TSPEAR: variants seen among roughly 807,000 people sequenced by gnomAD.
The protein encoded by TSPEAR is thrombospondin-type laminin G domain and EAR repeat-containing protein.
Under a neutral mutation model 71.6 loss-of-function variants are expected in TSPEAR, and 69 were observed. That is an observed-to-expected ratio of 0.96 (90% CI 0.79 to 1.18). The LOEUF (loss-of-function observed/expected upper bound fraction) is 1.18, where lower values mean the gene tolerates loss of function less well. Ranked by LOEUF, TSPEAR falls within the 50% of genes most tolerant of loss-of-function variation. The probability of loss-of-function intolerance (pLI) is 0.00; values close to 1 mark genes in which losing one functional copy is unlikely to be tolerated. For missense variants in TSPEAR, 971 were observed against 894.9 expected (o/e 1.09, Z -1.09); for synonymous variants, 402 against 387.2 (o/e 1.04, Z -0.45).
intron 1 of TSPEAR, chr21:44,697,034 A>G: frequency 1.1e-6 from 1 of 900,570 alleles, no homozygotes; most frequent in Non-Finnish European, 1.6e-6. Context: ...ACGCTCACTC[A>G]CTCCCTCCCT....
At chr21:44,677,979 T>C (rs1054720328) in intron 1 of TSPEAR, 13 of 1,111,288 alleles carry the variant, frequency 1.2e-5, no homozygotes, top group Non-Finnish European at 1.6e-5. Context: ...CAGAGCTGCC[T>C]GAAGTAGAGT....
chr21:44,702,182 C>A, intron 1 of TSPEAR: 1 of 1,505,226 alleles, frequency 6.6e-7, no homozygotes, highest in Non-Finnish European at 9.0e-7. Context: ...CCATCCACCC[C>A]ACAGAGCAAA....
intron 2 of TSPEAR, among the ~76,000 whole-genome samples, chr21:44,556,198 A>C (rs1269643157): frequency 6.6e-6 from 1 of 151,972 alleles, no homozygotes; most frequent in Non-Finnish European, 1.5e-5. Flanking sequence ...CAATGTGGTG[A>C]AACCCAGTCT....
chr21:44,523,837 TAGTC>T (rs2052788856), intron 8 of TSPEAR, among the ~76,000 whole-genome samples: 2 of 149,432 alleles, frequency 1.3e-5, no homozygotes, highest in Admixed American at 6.7e-5. Context: ...GGTAATTAGG[TAGTC>T]AGCCAGTCAG....
intron 10 of TSPEAR, chr21:44,508,390 G>A (rs2052257239): frequency 4.1e-6 from 3 of 738,750 alleles, no homozygotes; most frequent in African/African-American, 3.7e-5. Context: ...GAATGAAATA[G>A]GAGTGCATGA....
rs139924999 is a variant in TSPEAR at position 44,534,544 on chromosome 21, G to A, written c.304-621C>T. The stretch of plus-strand genomic sequence containing the variant: ...CCAGGGGCAAGGCTGGCGCCAGGCC[G>A]TAGGGACCGGCTTAGTCAGGAGCAC... On this transcript the variant is annotated intron_variant, in intron 2 of 11. Coordinates refer to ENST00000323084, the MANE Select transcript of TSPEAR (RefSeq NM_144991.3). Among the ~76,000 whole-genome samples, 656 of 152,064 alleles carry A rather than the reference G, an allele frequency of 4.3e-3. 2 individuals carry two copies. Among genetic ancestry groups the A allele is most frequent in the Non-Finnish European group, 7.4e-3 (500 of 67,922 alleles).
intron 1 of TSPEAR, among the ~76,000 whole-genome samples, chr21:44,598,404 C>CCACGAGA (rs1980514554): frequency 6.6e-6 from 1 of 152,204 alleles, no homozygotes; most frequent in South Asian, 2.1e-4. Context: ...TGGCAACCAG[C>CCACGAGA]CATATGGGAG....
chr21:44,521,583 T>G (rs2052735486), intron 9 of TSPEAR, among the ~76,000 whole-genome samples: 1 of 152,146 alleles, frequency 6.6e-6, no homozygotes, highest in Non-Finnish European at 1.5e-5. Flanking sequence ...GGGGGCTGCT[T>G]TATGGAGAAC....
intron 1 of TSPEAR, among the ~76,000 whole-genome samples, chr21:44,655,117 T>C (rs1348543846): frequency 1.2e-4 from 19 of 152,156 alleles, no homozygotes; most frequent in Non-Finnish European, 2.1e-4. Context: ...TGCACAGAGG[T>C]CTAGCACTGT....
At chr21:44,515,916 G>T (rs781818581) in intron 9 of TSPEAR, 2 of 152,284 alleles carry the variant, frequency 1.3e-5, no homozygotes, top group African/African-American at 4.8e-5. Flanking sequence ...GGTGTGAGGC[G>T]TCCCAGGCAC....
intron 1 of TSPEAR, among the ~76,000 whole-genome samples, chr21:44,626,668 G>C (rs1982804915): frequency 1.3e-5 from 2 of 152,300 alleles, no homozygotes; most frequent in South Asian, 2.1e-4. Flanking sequence ...GTGTCCTACA[G>C]CAGGGGAAGG....
chr21:44,529,452 G>C (rs782740186), intron 5 of TSPEAR, among the ~76,000 whole-genome samples: 72 of 152,176 alleles, frequency 4.7e-4, no homozygotes, highest in Non-Finnish European at 9.7e-4. Context: ...GCTGTCCTTG[G>C]GGGGCAAAAG....
At chr21:44,672,193 A>G (rs782602429) in intron 1 of TSPEAR, among the ~76,000 whole-genome samples, 5 of 152,210 alleles carry the variant, frequency 3.3e-5, no homozygotes, top group Non-Finnish European at 5.9e-5. Flanking sequence ...CCTATGTAAC[A>G]TATGGAACAC....
At chr21:44,560,863 G>A (rs1288177266) in intron 2 of TSPEAR, among the ~76,000 whole-genome samples, 2 of 151,722 alleles carry the variant, frequency 1.3e-5, no homozygotes, top group African/African-American at 4.8e-5. Flanking sequence ...AGCACTAAAT[G>A]TCCACATCAG....
chr21:44,576,706 T>A (rs1555924039), intron 1 of TSPEAR, among the ~76,000 whole-genome samples: 3 of 152,212 alleles, frequency 2.0e-5, no homozygotes, highest in Admixed American at 2.0e-4. Flanking sequence ...GTCCTTTGTG[T>A]CTTTACCAAA....
intron 10 of TSPEAR, chr21:44,508,440 G>C: frequency 9.8e-7 from 1 of 1,018,422 alleles, no homozygotes; most frequent in Non-Finnish European, 1.2e-6. Flanking sequence ...CTCCATCCCA[G>C]GATGGGAATG....
chr21:44,524,860 T>G (rs1392045028), intron 8 of TSPEAR, among the ~76,000 whole-genome samples: 1 of 150,520 alleles, frequency 6.6e-6, no homozygotes, highest in Non-Finnish European at 1.5e-5. Context: ...AGTCAGCCAA[T>G]AGCCAGTCAG....
chr21:44,589,349 C>T (rs1555926091), intron 1 of TSPEAR, among the ~76,000 whole-genome samples: 1 of 152,142 alleles, frequency 6.6e-6, no homozygotes, highest in Non-Finnish European at 1.5e-5. Context: ...TTGCTTTGTC[C>T]TCTGATGGAC....
At chr21:44,683,561 C>T (rs1243084296) in intron 1 of TSPEAR, among the ~76,000 whole-genome samples, 6 of 152,012 alleles carry the variant, frequency 3.9e-5, no homozygotes, top group Non-Finnish European at 5.9e-5. Flanking sequence ...CCCAGCTACA[C>T]GGTAGGTTGA....
Sources: allele counts gnomAD v4.1 joint callset (sites outside exome capture counted in the v4.1 genomes callset), GRCh38; gene constraint gnomAD v4.1.1; transcripts MANE v1.5; gene names NCBI Gene and HGNC (gene_info 2026-07-23, HGNC 2026-07-21).